The following C3orf52 variants were observed in gnomAD, a reference collection of about 807,000 sequenced individuals.
C3orf52 encodes chromosome 3 open reading frame 52.
A neutral mutation model predicts 24.8 loss-of-function variants in C3orf52; 22 were observed. The observed-to-expected ratio is 0.89, with a 90% CI of 0.63 to 1.27. The LOEUF is 1.27. Ranked by LOEUF, C3orf52 falls within the 50% of genes most tolerant of loss-of-function variation. The pLI is 0.00. For synonymous variants in C3orf52, 93 were observed against 100.2 expected (o/e 0.93, Z 0.43); for missense variants, 265 against 260.7 (o/e 1.02, Z -0.11).
rs896654193 is a variant in C3orf52 at position 112,116,959 on chromosome 3, C to T, written c.*313C>T. On this transcript the variant is annotated 3_prime_UTR_variant, in exon 6 of 6. Transcript: ENST00000264848. ...TATTCTGTTTGTTTTTGTTTTGTTT[C>T]GTTTTGTTTTTTGAGACAGGGTCTC... The T allele has an allele frequency of 2.6e-5, 39 of 1,525,838 alleles. No individual in the cohort carries two copies. Among genetic ancestry groups the T allele is most frequent in the Admixed American group, 5.9e-5 (3 of 50,582 alleles). 94.5% of individuals were successfully genotyped at this position (1,525,838 alleles called of 1,614,324 possible).
intron 1 of C3orf52, among the ~76,000 whole-genome samples, chr3:112,088,308 A>C (rs1032256710): frequency 6.6e-6 from 1 of 152,226 alleles, no homozygotes; most frequent in African/African-American, 2.4e-5. Flanking sequence ...AAAGTCAATA[A>C]ATATAGGCTC....
At chr3:112,128,376 GA>G in exon 5 of C3orf52, 1 of 493,022 alleles carries the variant, frequency 2.0e-6, no homozygotes. Flanking sequence ...TTATCCCCAG[GA>G]AATCAAGGTA....
chr3:112,129,868 T>C (rs557164067), downstream of C3orf52: 11 of 152,522 alleles, frequency 7.2e-5, no homozygotes, highest in African/African-American at 2.6e-4. Flanking sequence ...ACTGACCTTG[T>C]CAGCCCTTAG....
rs533513972 is a variant in C3orf52 at position 112,110,254 on chromosome 3, C to T, written c.467+641C>T. 5.9e-5 allele frequency among the ~76,000 whole-genome samples: 9 copies of T among 151,988 alleles called. No homozygotes were observed. In the East Asian group the frequency reaches 7.7e-4, roughly 13 times the overall value. On this transcript the variant is annotated intron_variant, in intron 4 of 5. Coordinates refer to ENST00000264848, the MANE Select transcript of C3orf52 (RefSeq NM_024616.3). Reference sequence around the variant, plus strand: ...CTGAGGCAGGAGAATCTCTTGAATTCGGGAGGGGAGGTTGCAGTGAGCCGA... The same window carrying T: ...CTGAGGCAGGAGAATCTCTTGAATTTGGGAGGGGAGGTTGCAGTGAGCCGA...
At chr3:112,089,612 C>T (rs561896278) in intron 1 of C3orf52, among the ~76,000 whole-genome samples, 1 of 150,936 alleles carries the variant, frequency 6.6e-6, no homozygotes, top group South Asian at 2.1e-4. Flanking sequence ...CAGTTTAGGA[C>T]AAGAATCAAC....
intron 3 of C3orf52, 103 bp downstream of exon 3, chr3:112,103,068 G>T: frequency 9.4e-7 from 1 of 1,068,832 alleles, no homozygotes; most frequent in Non-Finnish European, 1.4e-6. Context: ...TTCAATTTTG[G>T]ATTCTTTGTC....
chr3:112,105,012 C>CTA (rs1228908794), intron 3 of C3orf52, among the ~76,000 whole-genome samples: 1 of 152,182 alleles, frequency 6.6e-6, no homozygotes, highest in Non-Finnish European at 1.5e-5. Context: ...AGTAGACTGT[C>CTA]TATTTCAAAG....
intron 4 of C3orf52, 36 bp from the exon 5 acceptor site, chr3:112,112,928 G>C: frequency 6.5e-7 from 1 of 1,541,156 alleles, no homozygotes; most frequent in Non-Finnish European, 8.9e-7. Flanking sequence ...GCAGTATGAT[G>C]CTGTTTATGT....
intron 5 of C3orf52, among the ~76,000 whole-genome samples, chr3:112,114,718 A>T (rs549935514): frequency 6.6e-6 from 1 of 151,982 alleles, no homozygotes; most frequent in African/African-American, 2.4e-5. Flanking sequence ...AGAAAAAAAA[A>T]CCCAGAAACC....
intron 4 of C3orf52, chr3:112,127,034 C>T: frequency 6.4e-7 from 1 of 1,574,744 alleles, no homozygotes; most frequent in Non-Finnish European, 8.7e-7. Flanking sequence ...TATTTTTTTC[C>T]TGTAAAAGAA....
chr3:112,132,451 A>G (rs1462945728), downstream of C3orf52, among the ~76,000 whole-genome samples: 1 of 152,210 alleles, frequency 6.6e-6, no homozygotes, highest in Non-Finnish European at 1.5e-5. Flanking sequence ...ATGGTCAGAA[A>G]AAGAAAGCAG....
chr3:112,130,476 T>A, downstream of C3orf52: 2 of 1,614,044 alleles, frequency 1.2e-6, no homozygotes, highest in Non-Finnish European at 1.7e-6. Flanking sequence ...CTTTGCATTC[T>A]CACATTCCAA....
Position 112,117,154 on chromosome 3 carries a change from C to T in C3orf52, c.*508C>T, listed in dbSNP as rs1331230525. 5 of 565,938 alleles carry T rather than the reference C, an allele frequency of 8.8e-6. No homozygotes were observed. The highest frequency in any genetic ancestry group is 3.7e-5 in the African/African-American group (2 of 53,524). The allele number at this position is 565,938 out of a possible 1,614,324, so 35.1% of individuals were successfully genotyped here. On this transcript the variant is annotated 3_prime_UTR_variant, in exon 6 of 6. Transcript: ENST00000264848. ...CACGGAGAGGCAGGCAGCCAGGTTA[C>T]GAAGACTAAGCCAATTATTCACTGA...
At chr3:112,095,147 G>T (rs1272701205) in intron 2 of C3orf52, among the ~76,000 whole-genome samples, 1 of 152,192 alleles carries the variant, frequency 6.6e-6, no homozygotes, top group African/African-American at 2.4e-5. Flanking sequence ...TTAGGGCATT[G>T]TTCAGGTGTG....
intron 1 of C3orf52, among the ~76,000 whole-genome samples, chr3:112,090,579 A>G (rs2073868463): frequency 6.6e-6 from 1 of 152,198 alleles, no homozygotes; most frequent in Non-Finnish European, 1.5e-5. Context: ...AGGACAGGTC[A>G]GTGAGGGCAC....
chr3:112,125,088 A>G lies in C3orf52; in HGVS notation c.*47-3145A>G. ...CACCCGGCCCTGCACCTGCCACCCG[A>G]GTTCACAAGCACTGACATCTAAAGT... On this transcript the variant is annotated intron_variant, in intron 4 of 4. Coordinates refer to the C3orf52 transcript ENST00000480282. 4 of 681,806 alleles carry G rather than the reference A, an allele frequency of 5.9e-6. No individual in the cohort carries two copies. In the South Asian group the frequency reaches 6.9e-5, roughly 12 times the overall value. 42.2% of individuals were successfully genotyped at this position (681,806 alleles called of 1,614,324 possible). A position where few individuals can be genotyped will look rare whatever the true frequency, so the allele number is the denominator to read the frequency against.
intron 3 of C3orf52, among the ~76,000 whole-genome samples, chr3:112,106,976 T>C (rs1397783915): frequency 6.6e-6 from 1 of 152,150 alleles, no homozygotes; most frequent in Non-Finnish European, 1.5e-5. Flanking sequence ...GACTAAGGGT[T>C]GAGGAACCAC....
intron 1 of C3orf52, among the ~76,000 whole-genome samples, chr3:112,091,964 G>T (rs1434603363): frequency 6.6e-6 from 1 of 151,440 alleles, no homozygotes; most frequent in Non-Finnish European, 1.5e-5. Context: ...AGATCGTGCT[G>T]CTGCACTCCA....
intron 4 of C3orf52, among the ~76,000 whole-genome samples, chr3:112,124,051 A>C (rs1319641351): frequency 6.6e-6 from 1 of 152,140 alleles, no homozygotes; most frequent in Non-Finnish European, 1.5e-5. Flanking sequence ...TCCCCTGCAA[A>C]TCTAATGTTG....
Sources: gnomAD v4.1 joint callset for allele counts (sites outside exome capture counted in the v4.1 genomes callset) on GRCh38, gnomAD v4.1.1 for gene constraint, MANE v1.5 for transcripts, NCBI Gene and HGNC (gene_info 2026-07-23, HGNC 2026-07-21) for gene names.